Variants in PBX3 observed in about 807,000 individuals in gnomAD.
PBX3 encodes PBX homeobox 3.
In PBX3, 14 loss-of-function variants were observed where a neutral mutation model predicts 48.5. That is an observed-to-expected ratio of 0.29 (90% confidence interval 0.19 to 0.45). The LOEUF (loss-of-function observed/expected upper bound fraction) is 0.45, where lower values mean the gene tolerates loss of function less well. Among genes scored for constraint, PBX3 ranks in the 20% least tolerant of loss-of-function variants. PBX3 has a pLI of 1.00. For missense variants in PBX3, 386 were observed against 546.7 expected (o/e 0.71, Z 2.93); for synonymous variants, 210 against 200.3 (o/e 1.05, Z -0.41).
At chr9:125,764,867 C>A (rs1262855892) in intron 2 of PBX3, among the ~76,000 whole-genome samples, 1 of 152,080 alleles carries the variant, frequency 6.6e-6, no homozygotes, top group Non-Finnish European at 1.5e-5. Flanking sequence ...AGAAAAATCA[C>A]TATTCCTCTT....
chr9:125,878,586 G>A (rs943451638), intron 2 of PBX3, among the ~76,000 whole-genome samples: 2 of 152,210 alleles, frequency 1.3e-5, no homozygotes, highest in African/African-American at 4.8e-5. Flanking sequence ...TGGAAGGACA[G>A]TGTTTGGTGA....
At chr9:125,770,124 T>A (rs1416474794) in intron 2 of PBX3, among the ~76,000 whole-genome samples, 2 of 152,184 alleles carry the variant, frequency 1.3e-5, no homozygotes, top group Admixed American at 6.5e-5. Context: ...GTGGGGGGGA[T>A]GTACATTGCA....
chr9:125,755,672 G>GTTTTTTTTT (rs11310993), intron 2 of PBX3, among the ~76,000 whole-genome samples: 4 of 95,232 alleles, frequency 4.2e-5, no homozygotes, highest in East Asian at 3.4e-4. Context: ...GAGGAGCTTT[G>GTTTTTTTTT]TTTTTTTTTT....
intron 2 of PBX3, chr9:125,749,465 T>TGTTTTA (rs1234985031): frequency 9.2e-5 from 14 of 152,174 alleles, no homozygotes; most frequent in African/African-American, 3.4e-4. Flanking sequence ...GAGATTTGGA[T>TGTTTTA]GTTTTAGTTT....
chr9:125,750,599 A>G (rs950380404), intron 2 of PBX3, among the ~76,000 whole-genome samples: 1 of 152,252 alleles, frequency 6.6e-6, no homozygotes, highest in Non-Finnish European at 1.5e-5. Context: ...TTAAAAACCA[A>G]GAGGCAGCTG....
intron 3 of PBX3, 110 bp from the exon 4 acceptor site, chr9:125,929,545 A>G: frequency 1.4e-6 from 1 of 702,902 alleles, no homozygotes; most frequent in Non-Finnish European, 2.4e-6. Context: ...TACCCTACAC[A>G]CTGTATAATG....
intron 2 of PBX3, among the ~76,000 whole-genome samples, chr9:125,877,396 T>G (rs1840279887): frequency 6.6e-6 from 1 of 152,208 alleles, no homozygotes; most frequent in Admixed American, 6.5e-5. Context: ...TTTCTAGTAC[T>G]TCTAGGACTT....
intron 1 of PBX3, chr9:125,748,257 TTCGCCTGCCCCCGG>T (rs1449392735): frequency 1.1e-5 from 12 of 1,053,460 alleles, no homozygotes; most frequent in Non-Finnish European, 1.4e-5. Flanking sequence ...CCGGGTCGCC[TTCGCCTGCCCCCGG>T]GGCGAGGCTC....
chr9:125,856,367 G>A (rs1839723454), intron 2 of PBX3, among the ~76,000 whole-genome samples: 1 of 152,168 alleles, frequency 6.6e-6, no homozygotes, highest in Non-Finnish European at 1.5e-5. Flanking sequence ...TTAAAATGCT[G>A]TGTGATACAG....
At position 125,884,581 on chromosome 9, in the gene PBX3, C is replaced by T. The variant is rs368432490; in HGVS notation, c.275-31105C>T. Among the ~76,000 whole-genome samples, 12 of 152,274 alleles carry T rather than the reference C, an allele frequency of 7.9e-5. No homozygotes were observed. The South Asian group carries it at 2.5e-3, about 32-fold the overall frequency. ...TTACTTTATTACTAGTTGCCTTTCCCAGTTAAGCAATGGGTAGTACACATT... is the reference window on the plus strand; with the variant it reads ...TTACTTTATTACTAGTTGCCTTTCCTAGTTAAGCAATGGGTAGTACACATT... On this transcript the variant is annotated intron_variant, in intron 2 of 8. Coordinates refer to ENST00000373489, the MANE Select transcript of PBX3 (RefSeq NM_006195.6).
intron 3 of PBX3, among the ~76,000 whole-genome samples, chr9:125,928,615 G>A (rs1353047193): frequency 6.6e-6 from 1 of 151,956 alleles, no homozygotes; most frequent in African/African-American, 2.4e-5. Context: ...ACAGGCACCC[G>A]CCACCACGGT....
intron 3 of PBX3, among the ~76,000 whole-genome samples, chr9:125,924,280 T>C (rs939364400): frequency 1.3e-5 from 2 of 152,232 alleles, no homozygotes; most frequent in Non-Finnish European, 2.9e-5. Context: ...TTTTTCATTT[T>C]TGCAAACTCA....
chr9:125,782,181 T>G (rs1837338817), intron 2 of PBX3, among the ~76,000 whole-genome samples: 1 of 152,178 alleles, frequency 6.6e-6, no homozygotes, highest in African/African-American at 2.4e-5. Flanking sequence ...GGAGGCCTCA[T>G]AATCATGGTG....
At chr9:125,807,803 C>A (rs1478763206) in intron 2 of PBX3, among the ~76,000 whole-genome samples, 2 of 152,022 alleles carry the variant, frequency 1.3e-5, no homozygotes, top group Non-Finnish European at 2.9e-5. Flanking sequence ...ACTTTGGTTT[C>A]CCATGCACCT....
At chr9:125,793,608 T>G (rs1369805109) in intron 2 of PBX3, among the ~76,000 whole-genome samples, 1 of 151,590 alleles carries the variant, frequency 6.6e-6, no homozygotes, top group East Asian at 2.0e-4. Context: ...TTTCATACTT[T>G]TAGTAGAGAC....
chr9:125,941,622 A>G (rs1456976180), intron 5 of PBX3, among the ~76,000 whole-genome samples: 2 of 152,230 alleles, frequency 1.3e-5, no homozygotes, highest in East Asian at 3.8e-4. Flanking sequence ...TTGCTAAACC[A>G]GAATTTGAAA....
intron 5 of PBX3, among the ~76,000 whole-genome samples, chr9:125,959,539 T>C (rs1349958694): frequency 6.6e-6 from 1 of 152,242 alleles, no homozygotes; most frequent in Non-Finnish European, 1.5e-5. Context: ...ATGGGAATTC[T>C]ATTTCCAAAC....
At chr9:125,751,316 T>TA in intron 2 of PBX3, among the ~76,000 whole-genome samples, 2 of 152,198 alleles carry the variant, frequency 1.3e-5, no homozygotes, top group South Asian at 2.1e-4. Flanking sequence ...AAAATCATTT[T>TA]AAAAAAAATC....
chr9:125,792,144 T>C (rs1837633002), intron 2 of PBX3, among the ~76,000 whole-genome samples: 1 of 151,774 alleles, frequency 6.6e-6, no homozygotes, highest in African/African-American at 2.4e-5. Flanking sequence ...ATCCTAGATG[T>C]AGGAAAAGAA....
Sources: allele counts gnomAD v4.1 joint callset (sites outside exome capture counted in the v4.1 genomes callset), GRCh38; gene constraint gnomAD v4.1.1; transcripts MANE v1.5; gene names NCBI Gene and HGNC (gene_info 2026-07-23, HGNC 2026-07-21).